RUNX1: variants seen among roughly 807,000 people sequenced by gnomAD.
RUNX1 encodes runt-related transcription factor 1.
A neutral mutation model predicts 42.8 loss-of-function variants in RUNX1; 19 were observed. That is an observed-to-expected ratio of 0.44 (90% CI 0.31 to 0.65). The LOEUF (loss-of-function observed/expected upper bound fraction) is 0.65. RUNX1 is among the 30% of genes least tolerant of loss of function. The pLI, the probability that RUNX1 is intolerant of heterozygous loss-of-function variation, is 0.07. For missense variants in RUNX1, 528 were observed against 672.0 expected (o/e 0.79, Z 2.37); for synonymous variants, 271 against 289.4 (o/e 0.94, Z 0.64).
chr21:34,830,412 C>T (rs1290681596), intron 7 of RUNX1, among the ~76,000 whole-genome samples: 1 of 152,210 alleles, frequency 6.6e-6, no homozygotes, highest in East Asian at 1.9e-4. Context: ...AAGGTGCCCA[C>T]CACACAGCCT....
intron 2 of RUNX1, among the ~76,000 whole-genome samples, chr21:34,967,041 A>G (rs1244362388): frequency 6.6e-6 from 1 of 152,076 alleles, no homozygotes; most frequent in African/African-American, 2.4e-5. Flanking sequence ...CACATTCACA[A>G]ACGTGTTTTT....
intron 6 of RUNX1, among the ~76,000 whole-genome samples, chr21:34,837,580 G>T (rs1369350684): frequency 6.6e-6 from 1 of 152,202 alleles, no homozygotes; most frequent in East Asian, 1.9e-4. Context: ...TCTGTGTTCA[G>T]TTAAAAGGCT....
chr21:34,876,200 C>G (rs1271257057), intron 5 of RUNX1, among the ~76,000 whole-genome samples: 1 of 152,156 alleles, frequency 6.6e-6, no homozygotes, highest in East Asian at 1.9e-4. Flanking sequence ...GAATAGGCCC[C>G]CTCCCCTTTA....
chr21:34,961,671 T>C (rs567259174), intron 2 of RUNX1, among the ~76,000 whole-genome samples: 1 of 152,312 alleles, frequency 6.6e-6, no homozygotes, highest in East Asian at 1.9e-4. Context: ...TGGCCGTAAG[T>C]CAGGCGGTTA....
At chr21:35,020,685 T>C (rs1044139595) in intron 2 of RUNX1, among the ~76,000 whole-genome samples, 11 of 152,100 alleles carry the variant, frequency 7.2e-5, no homozygotes, top group Admixed American at 2.0e-4. Flanking sequence ...CCATCATCCA[T>C]CTCAGTTTTA....
chr21:34,955,583 G>A (rs1159749910), intron 2 of RUNX1, among the ~76,000 whole-genome samples: 1 of 152,162 alleles, frequency 6.6e-6, no homozygotes, highest in Non-Finnish European at 1.5e-5. Flanking sequence ...AATCATTGAT[G>A]TGTTGAGTAT....
At chr21:34,905,352 C>T (rs1442942537) in intron 2 of RUNX1, among the ~76,000 whole-genome samples, 4 of 152,202 alleles carry the variant, frequency 2.6e-5, no homozygotes, top group Admixed American at 6.5e-5. Context: ...TTCCCCATCC[C>T]CCACCTTTCC....
intron 2 of RUNX1, among the ~76,000 whole-genome samples, chr21:34,982,438 A>T (rs988763240): frequency 6.9e-6 from 1 of 145,402 alleles, no homozygotes; most frequent in African/African-American, 2.7e-5. Context: ...AAGAGAAAGA[A>T]AGGGAAGGAG....
chr21:34,790,745 C>G lies in RUNX1; in HGVS notation c.*1390G>C. On this transcript the variant is annotated 3_prime_UTR_variant, in exon 9 of 9. Coordinates refer to ENST00000675419, the MANE Select transcript of RUNX1 (RefSeq NM_001754.5). ...GACCATGTTTTCCCACTTGTCTCCA[C>G]TGAGGCACACAGAGGCAAATTGACT... 4.3e-6 allele frequency: 1 copy of G among 233,310 alleles called. No individual in the cohort carries two copies. The highest frequency in any genetic ancestry group is 5.6e-5 in the Admixed American group (1 of 17,800). 14.5% of individuals were successfully genotyped at this position (233,310 alleles called of 1,614,324 possible).
At position 34,789,324 on chromosome 21, in the gene RUNX1, G is replaced by A. The variant is rs2056407266; in HGVS notation, c.*2811C>T. 1 of 233,374 alleles carries A rather than the reference G, an allele frequency of 4.3e-6. No homozygotes were observed. Among genetic ancestry groups the A allele is most frequent in the South Asian group, 1.8e-4 (1 of 5,518 alleles). 14.5% of individuals were successfully genotyped at this position (233,374 alleles called of 1,614,324 possible). ...AAGATAGAGGAAGAGAGAAAAAAAG[G>A]GAGATATTGGGGGGAAGAGAGGGAG... On this transcript the variant is annotated 3_prime_UTR_variant, in exon 9 of 9. Transcript: ENST00000675419.
At position 34,790,564 on chromosome 21, in the gene RUNX1, T is replaced by A. The variant is rs1426936064; in HGVS notation, c.*1571A>T. On this transcript the variant is annotated 3_prime_UTR_variant, in exon 9 of 9. Coordinates refer to ENST00000675419, the MANE Select transcript of RUNX1 (RefSeq NM_001754.5). The stretch of plus-strand genomic sequence containing the variant: ...TACAGCGACATTGGATACCTTTGAA[T>A]TGTAGCCACGGACAGTAGTGACATG... 1.3e-5 allele frequency: 3 copies of A among 233,374 alleles called. No homozygotes were observed. The highest frequency in any genetic ancestry group is 2.5e-5 in the Non-Finnish European group (3 of 118,076). The allele number at this position is 233,374 out of a possible 1,614,324, so 14.5% of individuals were successfully genotyped here. A position where few individuals can be genotyped will look rare whatever the true frequency, so the allele number is the denominator to read the frequency against.
intron 2 of RUNX1, among the ~76,000 whole-genome samples, chr21:34,993,233 C>T (rs751183748): frequency 3.3e-5 from 5 of 152,100 alleles, no homozygotes; most frequent in Non-Finnish European, 5.9e-5. Context: ...TATGCCTTAG[C>T]GATGTCACTC....
chr21:34,852,509 G>A (rs575063713), intron 6 of RUNX1, among the ~76,000 whole-genome samples: 111 of 152,296 alleles, frequency 7.3e-4, no homozygotes, highest in Non-Finnish European at 1.4e-3. Flanking sequence ...ATTTAGGCAC[G>A]ATTATTATTA....
intron 6 of RUNX1, among the ~76,000 whole-genome samples, chr21:34,845,106 A>T (rs570626745): frequency 3.2e-4 from 49 of 152,190 alleles, no homozygotes; most frequent in Admixed American, 6.5e-4. Flanking sequence ...GAGGAGGGAG[A>T]CCTCTTCTAA....
intron 2 of RUNX1, among the ~76,000 whole-genome samples, chr21:34,990,065 G>A (rs563440211): frequency 6.0e-4 from 91 of 152,162 alleles, no homozygotes; most frequent in African/African-American, 2.1e-3. Flanking sequence ...TGACTCTATC[G>A]TTCATTTTTC....
At chr21:34,925,261 G>A (rs967756819) in intron 2 of RUNX1, among the ~76,000 whole-genome samples, 14 of 152,168 alleles carry the variant, frequency 9.2e-5, no homozygotes, top group Admixed American at 5.9e-4. Flanking sequence ...GATCATGTGA[G>A]TTTATTTTCA....
chr21:34,950,848 G>A (rs2058601829), intron 2 of RUNX1, among the ~76,000 whole-genome samples: 1 of 152,212 alleles, frequency 6.6e-6, no homozygotes, highest in South Asian at 2.1e-4. Context: ...AAGACCCACA[G>A]GTGTCCATCT....
At chr21:34,859,273 G>A in intron 6 of RUNX1, 2 of 611,452 alleles carry the variant, frequency 3.3e-6, no homozygotes, top group African/African-American at 1.9e-5. Context: ...CTAAAAGGAT[G>A]CTTCAAAAAG....
At chr21:34,963,170 A>G (rs1014171013) in intron 2 of RUNX1, among the ~76,000 whole-genome samples, 1 of 152,136 alleles carries the variant, frequency 6.6e-6, no homozygotes, top group African/African-American at 2.4e-5. Flanking sequence ...AACGCCCACG[A>G]AGAACCTAGG....
Sources: gnomAD v4.1 joint callset for allele counts (sites outside exome capture counted in the v4.1 genomes callset) on GRCh38, gnomAD v4.1.1 for gene constraint, MANE v1.5 for transcripts, NCBI Gene and HGNC (gene_info 2026-07-23, HGNC 2026-07-21) for gene names.